C1RL: variants seen among roughly 807,000 people sequenced by gnomAD.
The protein encoded by C1RL is complement C1r subcomponent like.
Under a neutral mutation model 27.9 loss-of-function variants are expected in C1RL, and 27 were observed. That is an observed-to-expected ratio of 0.97 (90% confidence interval 0.71 to 1.33). The LOEUF (loss-of-function observed/expected upper bound fraction) is 1.33, where lower values mean the gene tolerates loss of function less well. Ranked by LOEUF, C1RL falls within the 40% of genes most tolerant of loss-of-function variation. The pLI is 0.00. For synonymous variants in C1RL, 248 were observed against 252.1 expected (o/e 0.98, Z 0.15); for missense variants, 563 against 623.9 (o/e 0.90, Z 1.04).
At chr12:7,108,984 T>TGG in intron 1 of C1RL, 126 bp downstream of exon 1, 2 of 147,182 alleles carry the variant, frequency 1.4e-5, no homozygotes, top group Non-Finnish European at 2.3e-5. Context: ...TGTGTGTGTG[T>TGG]GTGTGGGGGG....
intron 5 of C1RL, 145 bp downstream of exon 5, chr12:7,099,541 G>A: frequency 7.1e-7 from 1 of 1,404,982 alleles, no homozygotes; most frequent in Non-Finnish European, 9.4e-7. Flanking sequence ...TCTTTTCTGG[G>A]CCTTCTTGAT....
intron 2 of C1RL, among the ~76,000 whole-genome samples, chr12:7,105,467 A>G (rs769570441): frequency 2.2e-4 from 34 of 152,200 alleles, no homozygotes; most frequent in Non-Finnish European, 4.4e-4. Flanking sequence ...ACGGGGTTTC[A>G]CCATGTTGGC....
In C1RL at chr12:7,099,055, A is replaced by AT. The variant is rs1380846168; in HGVS notation, c.691+630_691+631insA. Among the ~76,000 whole-genome samples, 320 of 149,506 alleles carry AT rather than the reference A, an allele frequency of 2.1e-3. 2 individuals are homozygous for AT. Among genetic ancestry groups the AT allele is most frequent in the African/African-American group, 6.8e-3 (276 of 40,810 alleles). On this transcript the variant is annotated intron_variant, in intron 5 of 5. Transcript: ENST00000266542. ...TACTAAAAATACAAAAAAAAAAAAA[A>AT]AATAAAATAAAATAAAAAAATGAGC...
At chr12:7,099,539 G>C in intron 5 of C1RL, 147 bp downstream of exon 5, 2 of 1,404,534 alleles carry the variant, frequency 1.4e-6, no homozygotes, top group East Asian at 5.1e-5. Context: ...GTTCTTTTCT[G>C]GGCCTTCTTG....
intron 3 of C1RL, among the ~76,000 whole-genome samples, chr12:7,100,695 G>A (rs1416843684): frequency 6.6e-6 from 1 of 152,102 alleles, no homozygotes; most frequent in Non-Finnish European, 1.5e-5. Flanking sequence ...GCTGAGGCAG[G>A]AGAATCGCTT....
At chr12:7,103,219 C>G (rs1200131702) in intron 2 of C1RL, among the ~76,000 whole-genome samples, 1 of 152,262 alleles carries the variant, frequency 6.6e-6, no homozygotes, top group Non-Finnish European at 1.5e-5. Flanking sequence ...TGGTGCTCAA[C>G]TGCTCTACTT....
rs146839326 is a variant in C1RL, at chr12:7,108,386, G to A, written c.165C>T (p.Pro55=). 5.8e-4 allele frequency: 943 copies of A among 1,614,076 alleles called. 1 individual carries two copies. In the African/African-American group the frequency reaches 7.1e-3, roughly 12 times the overall value. Residue 55 remains proline, a synonymous_variant, in exon 2 of 6, where the codon CCC becomes CCT. Transcript: ENST00000266542. ...AQELPQQLTS[P]GYPEPYGKGQ... ...CTTTGCCATACGGCTCTGGGTACCCGGGGGATGTCAGCTGCTGGGGTAGCT... is the reference window on the plus strand; with the variant it reads ...CTTTGCCATACGGCTCTGGGTACCCAGGGGATGTCAGCTGCTGGGGTAGCT...
rs1938713035 is a variant in C1RL, at chr12:7,104,579, G to A, written c.301-2492C>T. 1.3e-5 allele frequency among the ~76,000 whole-genome samples: 2 copies of A among 152,212 alleles called. No homozygotes were observed. The highest frequency in any genetic ancestry group is 2.1e-4 in the South Asian group (1 of 4,836). On this transcript the variant is annotated intron_variant, in intron 2 of 5. Coordinates refer to ENST00000266542, the MANE Select transcript of C1RL (RefSeq NM_016546.4). The surrounding 1 kb of genome is among the most constrained non-coding windows in gnomAD (Gnocchi z 5.4). ...GACCTGGTATGTCTCCACGGTCCCAGTGTGAGTGAGTATGAGTGTGTGAGT... is the reference window on the plus strand; with the variant it reads ...GACCTGGTATGTCTCCACGGTCCCAATGTGAGTGAGTATGAGTGTGTGAGT...
chr12:7,102,310 T>G (rs1198423767), intron 2 of C1RL, among the ~76,000 whole-genome samples: 1 of 152,254 alleles, frequency 6.6e-6, no homozygotes, highest in Non-Finnish European at 1.5e-5. Flanking sequence ...AATGTTTCTT[T>G]AGCCTACCAT....
At chr12:7,099,789 A>T in intron 4 of C1RL, 29 bp from the exon 5 acceptor site, 2 of 1,605,752 alleles carry the variant, frequency 1.2e-6, no homozygotes, top group Non-Finnish European at 1.7e-6. Context: ...GAGGCAAAGA[A>T]ATAGGCTCGG....
At chr12:7,103,807 G>C (rs937023903) in intron 2 of C1RL, among the ~76,000 whole-genome samples, 1 of 152,160 alleles carries the variant, frequency 6.6e-6, no homozygotes, top group Non-Finnish European at 1.5e-5. Context: ...TTCTGAACTT[G>C]AAGTTTCTCA....
chr12:7,107,492 C>T (rs2135764909), intron 2 of C1RL, among the ~76,000 whole-genome samples: 1 of 151,896 alleles, frequency 6.6e-6, no homozygotes, highest in South Asian at 2.1e-4. Flanking sequence ...AATTAAAAAA[C>T]AAAAAGTCTT....
chr12:7,094,953 C>T lies in C1RL; in HGVS notation c.*1438G>A. On this transcript the variant is annotated 3_prime_UTR_variant, in exon 6 of 6. Transcript: ENST00000266542. ...CAGAAGTAATCACATGTATGTACAA[C>T]TTTGAATCCTGCCATTTTTTAGAGA... 9.0e-7 allele frequency: 1 copy of T among 1,109,316 alleles called. No homozygotes were observed. The allele number at this position is 1,109,316 out of a possible 1,614,324, so 68.7% of individuals were successfully genotyped here.
chr12:7,101,708 G>A (rs374880282), intron 3 of C1RL, 190 bp downstream of exon 3: 33 of 599,314 alleles, frequency 5.5e-5, no homozygotes, highest in South Asian at 2.5e-4. Context: ...GGAAACAACC[G>A]CTGGGGGCTC....
At chr12:7,109,074 T>A in intron 1 of C1RL, 36 bp downstream of exon 1, 1 of 1,509,188 alleles carries the variant, frequency 6.6e-7, no homozygotes, top group Non-Finnish European at 9.0e-7. Context: ...TCCCCTCCCG[T>A]CCTCTTCCCT....
At chr12:7,108,828 G>A (rs1374636514) in intron 1 of C1RL, 2 of 554,576 alleles carry the variant, frequency 3.6e-6, no homozygotes, top group East Asian at 6.4e-5. Flanking sequence ...GCAATGGTGG[G>A]GCGAGTGAGG....
At position 7,108,176 on chromosome 12, in the gene C1RL, G is replaced by A. The variant is rs192986952; in HGVS notation, c.300+75C>T. On this transcript the variant is annotated intron_variant, in intron 2 of 5. Coordinates refer to ENST00000266542, the MANE Select transcript of C1RL (RefSeq NM_016546.4). Reference sequence around the variant, plus strand: ...CCCTCCTCCAGATGGGGGATTCAGGGCACCGCCACTTCCCACAACCCCGGG... The same window carrying A: ...CCCTCCTCCAGATGGGGGATTCAGGACACCGCCACTTCCCACAACCCCGGG... The A allele has an allele frequency of 1.8e-3, 2,253 of 1,223,390 alleles. 3 individuals carry two copies. The highest frequency in any genetic ancestry group is 1.7e-3 in the Non-Finnish European group (1,474 of 892,004). 75.8% of individuals were successfully genotyped at this position (1,223,390 alleles called of 1,614,324 possible).
At chr12:7,106,957 G>A (rs1404712711) in intron 2 of C1RL, among the ~76,000 whole-genome samples, 1 of 152,154 alleles carries the variant, frequency 6.6e-6, no homozygotes, top group East Asian at 1.9e-4. Context: ...ACTGAAGACA[G>A]ATAAAGCTAG....
At chr12:7,097,369 G>A in intron 5 of C1RL, 3 of 511,230 alleles carry the variant, frequency 5.9e-6, no homozygotes, top group African/African-American at 4.1e-5. Flanking sequence ...TGCAACCTCC[G>A]CCTCCTGCGC....
Sources: gnomAD v4.1 joint callset for allele counts (sites outside exome capture counted in the v4.1 genomes callset) on GRCh38, gnomAD v4.1.1 for gene constraint, Gnocchi (gnomAD v3.1) non-coding constraint, MANE v1.5 for transcripts, NCBI Gene and HGNC (gene_info 2026-07-23, HGNC 2026-07-21) for gene names.